FOXP1: variants seen among roughly 807,000 people sequenced by gnomAD.
FOXP1 encodes the protein forkhead box protein P1.
Under a neutral mutation model 98.2 loss-of-function variants are expected in FOXP1, and 15 were observed. The ratio of observed to expected loss-of-function variants is 0.15; its 90% CI spans 0.10 to 0.24. The LOEUF is 0.24. Among genes scored for constraint, FOXP1 ranks in the 10% least tolerant of loss-of-function variants. FOXP1 has a pLI of 1.00. For missense variants in FOXP1, 633 were observed against 848.5 expected (o/e 0.75, Z 3.15); for synonymous variants, 371 against 314.5 (o/e 1.18, Z -1.90).
intron 11 of FOXP1, among the ~76,000 whole-genome samples, chr3:71,017,151 A>AT (rs1217690278): frequency 6.6e-6 from 1 of 152,180 alleles, no homozygotes; most frequent in African/African-American, 2.4e-5. Flanking sequence ...ATAAAAGGAT[A>AT]TTCTCTAAGC....
chr3:71,230,278 T>C (rs1248002630), intron 5 of FOXP1, among the ~76,000 whole-genome samples: 2 of 152,216 alleles, frequency 1.3e-5, no homozygotes, highest in Non-Finnish European at 2.9e-5. Flanking sequence ...TGCTGTTCTT[T>C]GAACCAATTT....
At chr3:71,033,822 G>A (rs913860982) in intron 11 of FOXP1, among the ~76,000 whole-genome samples, 27 of 152,194 alleles carry the variant, frequency 1.8e-4, no homozygotes, top group African/African-American at 6.3e-4. Context: ...TTCAAAGCAC[G>A]ATGGCTGCCA....
chr3:71,243,679 C>T (rs1280014186), intron 5 of FOXP1, among the ~76,000 whole-genome samples: 6 of 152,292 alleles, frequency 3.9e-5, no homozygotes, highest in South Asian at 4.1e-4. Flanking sequence ...GAAAATACAT[C>T]GTTGCCAAAC....
At chr3:71,195,524 A>G (rs1019121752) in intron 6 of FOXP1, among the ~76,000 whole-genome samples, 3 of 152,192 alleles carry the variant, frequency 2.0e-5, no homozygotes, top group Admixed American at 1.3e-4. Context: ...TTTGTGTTCC[A>G]TGGACTTCTA....
At chr3:71,134,985 A>G (rs2059747529) in intron 6 of FOXP1, among the ~76,000 whole-genome samples, 1 of 152,096 alleles carries the variant, frequency 6.6e-6, no homozygotes, top group Non-Finnish European at 1.5e-5. Flanking sequence ...CCGGCCAGGC[A>G]CGGTGGCTCA....
intron 2 of FOXP1, among the ~76,000 whole-genome samples, chr3:71,538,241 C>T (rs62244886): frequency 3.3e-5 from 5 of 151,988 alleles, no homozygotes; most frequent in East Asian, 3.8e-4. Flanking sequence ...GTATATTCAA[C>T]GGTTGTGAAA....
chr3:71,369,078 C>T (rs1315321033), intron 3 of FOXP1, among the ~76,000 whole-genome samples: 1 of 151,968 alleles, frequency 6.6e-6, no homozygotes, highest in African/African-American at 2.4e-5. Flanking sequence ...CCCATGGGAC[C>T]ATGTCTTTTT....
chr3:71,346,861 T>C (rs1183360814), intron 4 of FOXP1, among the ~76,000 whole-genome samples: 2 of 152,090 alleles, frequency 1.3e-5, no homozygotes, highest in Non-Finnish European at 2.9e-5. Flanking sequence ...CTGGCTAACA[T>C]GGTGAAACCC....
At chr3:71,454,275 C>A (rs960799840) in intron 3 of FOXP1, among the ~76,000 whole-genome samples, 1 of 152,120 alleles carries the variant, frequency 6.6e-6, no homozygotes, top group African/African-American at 2.4e-5. Flanking sequence ...GAGCTAGGGT[C>A]GCCGGGGCTA....
intron 4 of FOXP1, among the ~76,000 whole-genome samples, chr3:71,349,784 G>C (rs9812770): frequency 0.028 from 4,193 of 152,080 alleles, 218 homozygotes; most frequent in African/African-American, 0.094. Context: ...ATTGACAGAG[G>C]GCTTACCAGG....
In FOXP1 at chr3:70,955,445, A is replaced by C. The variant is rs923721263; in HGVS notation, c.*3802T>G. 4.3e-6 allele frequency: 1 copy of C among 232,904 alleles called. No homozygotes were observed. Among genetic ancestry groups the C allele is most frequent in the South Asian group, 1.8e-4 (1 of 5,512 alleles). The allele number at this position is 232,904 out of a possible 1,614,324, so 14.4% of individuals were successfully genotyped here. A position where few individuals can be genotyped will look rare whatever the true frequency, so the allele number is the denominator to read the frequency against. On this transcript the variant is annotated 3_prime_UTR_variant, in exon 21 of 21. Transcript: ENST00000649528. The stretch of plus-strand genomic sequence containing the variant: ...ATCTTACAAGACGGACTCTAGGGAC[A>C]GGTAGGTTGGATCCTCATTCCTGAC...
intron 4 of FOXP1, among the ~76,000 whole-genome samples, chr3:71,351,081 G>T (rs1473060171): frequency 2.0e-5 from 3 of 152,122 alleles, no homozygotes; most frequent in African/African-American, 7.2e-5. Context: ...CTTAAGAAAA[G>T]ATCTTTTCTG....
At chr3:71,399,758 G>A (rs1010568454) in intron 3 of FOXP1, among the ~76,000 whole-genome samples, 1 of 152,112 alleles carries the variant, frequency 6.6e-6, no homozygotes, top group Non-Finnish European at 1.5e-5. Context: ...ACATTAGCAG[G>A]GGCAATTTTA....
chr3:71,284,892 A>C (rs1437713348), intron 5 of FOXP1, among the ~76,000 whole-genome samples: 1 of 152,148 alleles, frequency 6.6e-6, no homozygotes, highest in Non-Finnish European at 1.5e-5. Context: ...AGTCTAAATT[A>C]CTTTTATTTT....
At chr3:71,042,132 T>TA (rs2048434360) in intron 10 of FOXP1, among the ~76,000 whole-genome samples, 1 of 152,216 alleles carries the variant, frequency 6.6e-6, no homozygotes, top group South Asian at 2.1e-4. Flanking sequence ...TGGTTTCTAG[T>TA]ACCACATGCT....
chr3:71,433,416 G>A (rs887467479), intron 3 of FOXP1, among the ~76,000 whole-genome samples: 28 of 152,098 alleles, frequency 1.8e-4, no homozygotes, highest in African/African-American at 5.8e-4. Context: ...TGAAATGCAC[G>A]TGCAATTGAT....
Position 71,091,044 on chromosome 3 carries a change from GAAC to G in FOXP1, c.282+21489_282+21491del, listed in dbSNP as rs775685743. Reference sequence around the variant, plus strand: ...CAACATCATCATAATATAATGATCAGAACAACAGCTATAAGAAGGGCAGGTAAC... The same window carrying G: ...CAACATCATCATAATATAATGATCAGAACAGCTATAAGAAGGGCAGGTAAC... On this transcript the variant is annotated intron_variant, in intron 7 of 20. Transcript: ENST00000649528. Among the ~76,000 whole-genome samples, 96 of 150,538 alleles carry G rather than the reference GAAC, an allele frequency of 6.4e-4. No individual in the cohort carries two copies. In the Middle Eastern group the frequency reaches 0.017, roughly 27 times the overall value.
chr3:71,169,538 A>G (rs1362386370), intron 6 of FOXP1, among the ~76,000 whole-genome samples: 2 of 152,142 alleles, frequency 1.3e-5, no homozygotes, highest in African/African-American at 4.8e-5. Context: ...CAGTTCAAAG[A>G]CATAAAAAGG....
intron 5 of FOXP1, among the ~76,000 whole-genome samples, chr3:71,257,079 G>C (rs541482446): frequency 6.6e-6 from 1 of 152,168 alleles, no homozygotes; most frequent in African/African-American, 2.4e-5. Flanking sequence ...CATGCTTGAT[G>C]CTGATTCACG....
Sources: gnomAD v4.1 joint callset for allele counts (sites outside exome capture counted in the v4.1 genomes callset) on GRCh38, gnomAD v4.1.1 for gene constraint, MANE v1.5 for transcripts, NCBI Gene and HGNC (gene_info 2026-07-23, HGNC 2026-07-21) for gene names.